Variants in CRB1 observed in about 807,000 individuals in gnomAD.
CRB1 encodes the protein crumbs cell polarity complex component 1.
Under a neutral mutation model 120.0 loss-of-function variants are expected in CRB1, and 83 were observed. The observed-to-expected ratio is 0.69, with a 90% confidence interval of 0.58 to 0.83. CRB1 has a LOEUF of 0.83. Ranked by LOEUF, CRB1 falls within the 40% of genes least tolerant of loss-of-function variation. CRB1 has a pLI of 0.00. For missense variants in CRB1, 1,699 were observed against 1,687.6 expected, an observed-to-expected ratio of 1.01 and a Z score of -0.12; for synonymous variants, 625 against 612.5, an observed-to-expected ratio of 1.02 and a Z score of -0.30.
At chr1:197,423,167 T>G (rs1664420102) in intron 6 of CRB1, among the ~76,000 whole-genome samples, 1 of 152,176 alleles carries the variant, frequency 6.6e-6, no homozygotes, top group Non-Finnish European at 1.5e-5. Flanking sequence ...AACAAACAGA[T>G]GCTGACTCAT....
chr1:197,253,113 T>C, the CRB1 span, among the ~76,000 whole-genome samples: 1 of 152,072 alleles, frequency 6.6e-6, no homozygotes, highest in African/African-American at 2.4e-5. Flanking sequence ...CTAAACTTTA[T>C]GGCATGACAT....
chr1:197,330,326 T>C (rs1658775205), intron 2 of CRB1, among the ~76,000 whole-genome samples: 1 of 152,188 alleles, frequency 6.6e-6, no homozygotes, highest in Non-Finnish European at 1.5e-5. Flanking sequence ...AGCTTCTACC[T>C]TCTCGAAGTT....
chr1:197,463,607 G>T (rs1036192288), intron 11 of CRB1, among the ~76,000 whole-genome samples: 1 of 152,122 alleles, frequency 6.6e-6, no homozygotes, highest in African/African-American at 2.4e-5. Flanking sequence ...TGATAATTTG[G>T]ATTCTAAGCT....
chr1:197,384,929 C>A (rs1478561397), intron 5 of CRB1, among the ~76,000 whole-genome samples: 1 of 152,146 alleles, frequency 6.6e-6, no homozygotes, highest in Non-Finnish European at 1.5e-5. Flanking sequence ...TAAAGCTAAT[C>A]TCCTTCATTA....
At chr1:197,425,587 G>T (rs1664541109) in intron 6 of CRB1, among the ~76,000 whole-genome samples, 1 of 152,116 alleles carries the variant, frequency 6.6e-6, no homozygotes, top group Non-Finnish European at 1.5e-5. Context: ...ATGCTTTCTA[G>T]ACTGCAAAAT....
chr1:197,287,336 C>G (rs1305252148), intron 1 of CRB1, among the ~76,000 whole-genome samples: 2 of 151,842 alleles, frequency 1.3e-5, no homozygotes, highest in Non-Finnish European at 2.9e-5. Flanking sequence ...AAAATTTTCT[C>G]CTCAGAGTTT....
At chr1:197,346,642 A>T (rs1385229098) in intron 3 of CRB1, among the ~76,000 whole-genome samples, 5 of 152,202 alleles carry the variant, frequency 3.3e-5, no homozygotes, top group Admixed American at 1.3e-4. Context: ...TTTTTACAAT[A>T]CTAAATCCTT....
intron 1 of CRB1, among the ~76,000 whole-genome samples, chr1:197,289,563 G>A (rs942114130): frequency 6.6e-6 from 1 of 151,766 alleles, no homozygotes; most frequent in African/African-American, 2.4e-5. Flanking sequence ...TGGGTTTGGG[G>A]AAAATTTGAA....
At chr1:197,365,029 CT>C (rs142403905) in intron 5 of CRB1, among the ~76,000 whole-genome samples, 32,781 of 152,094 alleles carry the variant, frequency 0.22, 4,517 homozygotes, top group Non-Finnish European at 0.3. Context: ...AGACAATCAC[CT>C]TTTTAGGTTT....
chr1:197,317,434 A>G (rs1657920161), intron 1 of CRB1, among the ~76,000 whole-genome samples: 1 of 152,054 alleles, frequency 6.6e-6, no homozygotes, highest in Non-Finnish European at 1.5e-5. Flanking sequence ...ACAAAAAACA[A>G]AACAAAACAA....
intron 2 of CRB1, among the ~76,000 whole-genome samples, chr1:197,329,855 T>C (rs1453195795): frequency 6.6e-6 from 1 of 152,156 alleles, no homozygotes; most frequent in African/African-American, 2.4e-5. Flanking sequence ...CTGACTCATA[T>C]CTCTAAGACA....
chr1:197,298,819 T>G (rs1391480680), intron 1 of CRB1, among the ~76,000 whole-genome samples: 3 of 152,116 alleles, frequency 2.0e-5, no homozygotes, highest in African/African-American at 7.2e-5. Context: ...AATTATTTAT[T>G]GATATTGAAA....
chr1:197,446,344 A>G (rs79572444), intron 11 of CRB1, among the ~76,000 whole-genome samples: 89 of 152,222 alleles, frequency 5.8e-4, no homozygotes, highest in African/African-American at 2.1e-3. Flanking sequence ...CTAAGCTAAG[A>G]CTTGAGGGAG....
chr1:197,380,172 T>TA (rs1661876677), intron 5 of CRB1, among the ~76,000 whole-genome samples: 1 of 152,204 alleles, frequency 6.6e-6, no homozygotes, highest in African/African-American at 2.4e-5. Context: ...GAGTCACCTA[T>TA]GAGACAATAG....
chr1:197,336,174 T>C (rs1264750456), intron 2 of CRB1, among the ~76,000 whole-genome samples: 1 of 152,222 alleles, frequency 6.6e-6, no homozygotes, highest in African/African-American at 2.4e-5. Context: ...CCAATAGTCC[T>C]CATCCATGCT....
chr1:197,394,095 C>G (rs1571462148), intron 5 of CRB1, among the ~76,000 whole-genome samples: 1 of 151,934 alleles, frequency 6.6e-6, no homozygotes, highest in East Asian at 1.9e-4. Flanking sequence ...TTTCTTCTGC[C>G]TGTGCCCAAC....
At chr1:197,282,858 A>G (rs1438733199) in intron 1 of CRB1, among the ~76,000 whole-genome samples, 10 of 151,900 alleles carry the variant, frequency 6.6e-5, no homozygotes, top group Non-Finnish European at 1.0e-4. Context: ...TTCTTCTCTC[A>G]GAAATAAATC....
At position 197,421,926 on chromosome 1, in the gene CRB1, AGGCCCTATGAAGGCCCC is replaced by A; in HGVS notation, c.2099_2115del (p.Arg700LysfsTer15). 6.2e-7 allele frequency: 1 copy of A among 1,614,172 alleles called. No homozygotes were observed. Among genetic ancestry groups the A allele is most frequent in the Non-Finnish European group, 8.5e-7 (1 of 1,180,038 alleles). On this transcript the variant is annotated frameshift_variant, in exon 6 of 12. Transcript: ENST00000367400. LOFTEE classifies it high-confidence loss of function. Reference sequence around the variant, plus strand: ...GCTGAGTTACCAGTGTGACTGCCACAGGCCCTATGAAGGCCCCAACTGTCTGAGAGGTGAGAGAAAGC... The same window carrying A: ...GCTGAGTTACCAGTGTGACTGCCACAAACTGTCTGAGAGGTGAGAGAAAGC...
intron 4 of CRB1, among the ~76,000 whole-genome samples, chr1:197,348,112 CA>C (rs1440324090): frequency 2.0e-5 from 3 of 152,166 alleles, no homozygotes; most frequent in Non-Finnish European, 4.4e-5. Flanking sequence ...AATGACGGAC[CA>C]CATATACAAC....
Sources: gnomAD v4.1 joint callset for allele counts (sites outside exome capture counted in the v4.1 genomes callset) on GRCh38, gnomAD v4.1.1 for gene constraint, MANE v1.5 for transcripts, NCBI Gene and HGNC (gene_info 2026-07-23, HGNC 2026-07-21) for gene names.